The following GPC6 variants were observed in gnomAD, a reference collection of about 807,000 sequenced individuals.
The protein encoded by GPC6 is glypican-6.
A neutral mutation model predicts 55.2 loss-of-function variants in GPC6; 14 were observed. The ratio of observed to expected loss-of-function variants is 0.25; its 90% confidence interval spans 0.17 to 0.40. GPC6 has a LOEUF of 0.40. Among genes scored for constraint, GPC6 ranks in the 10% least tolerant of loss-of-function variants. The probability of loss-of-function intolerance (pLI) is 1.00; values close to 1 mark genes in which losing one functional copy is unlikely to be tolerated. For synonymous variants in GPC6, 278 were observed against 259.6 expected, an observed-to-expected ratio of 1.07 and a Z score of -0.68; for missense variants, 641 against 708.5, an observed-to-expected ratio of 0.90 and a Z score of 1.08.
At chr13:93,413,383 G>A (rs1423503888) in intron 1 of GPC6, among the ~76,000 whole-genome samples, 1 of 152,202 alleles carries the variant, frequency 6.6e-6, no homozygotes, top group South Asian at 2.1e-4. Flanking sequence ...AACCCTCTGA[G>A]TGAACCAATT....
intron 4 of GPC6, among the ~76,000 whole-genome samples, chr13:94,181,462 G>T (rs554386964): frequency 1.4e-3 from 206 of 152,222 alleles, no homozygotes; most frequent in African/African-American, 4.6e-3. Context: ...ATTAATTTGT[G>T]GAGATTTTAT....
intron 2 of GPC6, among the ~76,000 whole-genome samples, chr13:93,803,997 T>C (rs1886461263): frequency 6.6e-6 from 1 of 152,182 alleles, no homozygotes; most frequent in Non-Finnish European, 1.5e-5. Flanking sequence ...TTGTGATGGT[T>C]GCACATCCTA....
At chr13:93,729,193 T>C (rs1883742927) in intron 2 of GPC6, among the ~76,000 whole-genome samples, 1 of 152,162 alleles carries the variant, frequency 6.6e-6, no homozygotes, top group Non-Finnish European at 1.5e-5. Flanking sequence ...TCTGTGTAGC[T>C]TAACCTACAC....
chr13:93,576,215 A>G (rs1247879126), intron 2 of GPC6, among the ~76,000 whole-genome samples: 2 of 152,152 alleles, frequency 1.3e-5, no homozygotes, highest in Non-Finnish European at 2.9e-5. Flanking sequence ...GGAAAGTTTT[A>G]CAGACAGTAC....
chr13:93,321,787 A>T (rs1879444650), intron 1 of GPC6, among the ~76,000 whole-genome samples: 1 of 152,194 alleles, frequency 6.6e-6, no homozygotes, highest in Non-Finnish European at 1.5e-5. Flanking sequence ...CAGACTAGAC[A>T]ACAAAATACA....
intron 2 of GPC6, among the ~76,000 whole-genome samples, chr13:93,784,498 T>C (rs1284476806): frequency 6.6e-6 from 1 of 152,198 alleles, no homozygotes; most frequent in Non-Finnish European, 1.5e-5. Context: ...TTTACACCCA[T>C]GGCTCTGCTC....
At chr13:93,971,139 G>C (rs574245720) in intron 3 of GPC6, among the ~76,000 whole-genome samples, 1 of 152,268 alleles carries the variant, frequency 6.6e-6, no homozygotes, top group Admixed American at 6.5e-5. Context: ...ATTTCTGCCT[G>C]ATTTAGTTCA....
At chr13:94,031,363 G>A (rs1883131158) in intron 4 of GPC6, among the ~76,000 whole-genome samples, 1 of 152,162 alleles carries the variant, frequency 6.6e-6, no homozygotes, top group Non-Finnish European at 1.5e-5. Context: ...ATCAGCCTCA[G>A]GCCCGCCCCT....
intron 1 of GPC6, among the ~76,000 whole-genome samples, chr13:93,314,509 C>T (rs560205005): frequency 9.2e-5 from 14 of 152,212 alleles, no homozygotes; most frequent in Non-Finnish European, 1.8e-4. Context: ...ACACTCCAAC[C>T]GCCTATAAAA....
At chr13:93,270,267 G>A (rs562270860) in intron 1 of GPC6, among the ~76,000 whole-genome samples, 164 of 116,564 alleles carry the variant, frequency 1.4e-3, no homozygotes, top group African/African-American at 4.6e-3. Context: ...AAAAAAAAAA[G>A]GCCCCACATC....
intron 4 of GPC6, among the ~76,000 whole-genome samples, chr13:94,161,907 T>C (rs924924852): frequency 6.6e-6 from 1 of 152,036 alleles, no homozygotes; most frequent in Non-Finnish European, 1.5e-5. Flanking sequence ...AGCAAAGGCA[T>C]GTCTTACATG....
chr13:93,952,758 G>A (rs766773784), intron 3 of GPC6, among the ~76,000 whole-genome samples: 7 of 149,234 alleles, frequency 4.7e-5, no homozygotes, highest in South Asian at 2.1e-4. Context: ...TGCGTGTGAC[G>A]TGTGTGTGTG....
At chr13:93,819,163 C>T (rs1886959534) in intron 2 of GPC6, among the ~76,000 whole-genome samples, 1 of 152,146 alleles carries the variant, frequency 6.6e-6, no homozygotes, top group Admixed American at 6.5e-5. Flanking sequence ...TTTGACTGTT[C>T]CTCTTTAGTC....
chr13:93,483,727 G>T (rs1179816676), intron 1 of GPC6, among the ~76,000 whole-genome samples: 7 of 152,078 alleles, frequency 4.6e-5, no homozygotes, highest in Middle Eastern at 3.2e-3. Context: ...TAATCATTCG[G>T]CAATAAGAAT....
chr13:94,018,292 C>CT (rs113742518), intron 3 of GPC6, among the ~76,000 whole-genome samples: 3,569 of 143,638 alleles, frequency 0.025, 91 homozygotes, highest in South Asian at 0.074. Flanking sequence ...TAGTATAATC[C>CT]TTTTTTTTTT....
At chr13:93,802,621 T>C (rs958169292) in intron 2 of GPC6, among the ~76,000 whole-genome samples, 1 of 152,036 alleles carries the variant, frequency 6.6e-6, no homozygotes, top group Non-Finnish European at 1.5e-5. Context: ...CCCAAGTTGG[T>C]CTTGAACTCC....
intron 2 of GPC6, among the ~76,000 whole-genome samples, chr13:93,766,114 T>C (rs1328313675): frequency 1.3e-5 from 2 of 152,208 alleles, no homozygotes; most frequent in African/African-American, 2.4e-5. Context: ...TTTTAAGTTG[T>C]ATAGGTCTTA....
At chr13:94,334,805 C>T (rs982806434) in intron 6 of GPC6, among the ~76,000 whole-genome samples, 2 of 152,316 alleles carry the variant, frequency 1.3e-5, no homozygotes, top group South Asian at 2.1e-4. Flanking sequence ...GACCTTCCAT[C>T]GGAAATCCAG....
At chr13:94,030,788 A>G (rs1431392607) in intron 4 of GPC6, among the ~76,000 whole-genome samples, 1 of 152,170 alleles carries the variant, frequency 6.6e-6, no homozygotes, top group East Asian at 1.9e-4. Flanking sequence ...CCTATCTAAA[A>G]TGTGAACAGT....
Sources: gnomAD v4.1 joint callset for allele counts (sites outside exome capture counted in the v4.1 genomes callset) on GRCh38, gnomAD v4.1.1 for gene constraint, MANE v1.5 for transcripts, NCBI Gene and HGNC (gene_info 2026-07-23, HGNC 2026-07-21) for gene names.